Variants in ZNF704 observed in about 807,000 individuals in gnomAD.
ZNF704 encodes zinc finger protein 704.
In ZNF704, 10 loss-of-function variants were observed where a neutral mutation model predicts 44.7. The observed-to-expected ratio is 0.22, with a 90% CI of 0.14 to 0.38. The LOEUF is 0.38. ZNF704 is among the 10% of genes least tolerant of loss of function. The pLI, the probability that ZNF704 is intolerant of heterozygous loss-of-function variation, is 1.00. For missense variants in ZNF704, 390 were observed against 545.5 expected (o/e 0.71, Z 2.84); for synonymous variants, 211 against 207.6 (o/e 1.02, Z -0.14).
chr8:80,778,263 T>C (rs1021324420), intron 2 of ZNF704, among the ~76,000 whole-genome samples: 1 of 151,756 alleles, frequency 6.6e-6, no homozygotes, highest in Non-Finnish European at 1.5e-5. Context: ...AAAAGCTCAG[T>C]GTCACTGATC....
At chr8:80,681,789 G>GT in intron 4 of ZNF704, among the ~76,000 whole-genome samples, 1 of 152,258 alleles carries the variant, frequency 6.6e-6, no homozygotes, top group South Asian at 2.1e-4. Context: ...GACATACTGA[G>GT]TAGTCCTTTA....
chr8:80,737,570 C>A (rs918957889), intron 2 of ZNF704, among the ~76,000 whole-genome samples: 1 of 152,162 alleles, frequency 6.6e-6, no homozygotes, highest in African/African-American at 2.4e-5. Flanking sequence ...ACATTGTATT[C>A]ATTAGAAGTG....
chr8:80,699,569 T>G (rs1014543954), intron 2 of ZNF704, among the ~76,000 whole-genome samples: 4 of 152,130 alleles, frequency 2.6e-5, no homozygotes, highest in African/African-American at 9.7e-5. Context: ...TTTAAGAAAT[T>G]TTTAATATGT....
chr8:80,857,934 C>G (rs1360429873), intron 1 of ZNF704, among the ~76,000 whole-genome samples: 1 of 151,958 alleles, frequency 6.6e-6, no homozygotes, highest in South Asian at 2.1e-4. Flanking sequence ...ATTTCTTTAA[C>G]AGATGGTAGG....
chr8:80,763,605 G>A (rs1807169087), intron 2 of ZNF704, among the ~76,000 whole-genome samples: 1 of 152,210 alleles, frequency 6.6e-6, no homozygotes, highest in South Asian at 2.1e-4. Flanking sequence ...GGCCTGTGAT[G>A]AGAGGGGCTC....
chr8:80,842,468 T>C (rs1808696566), intron 1 of ZNF704, among the ~76,000 whole-genome samples: 1 of 152,132 alleles, frequency 6.6e-6, no homozygotes, highest in African/African-American at 2.4e-5. Flanking sequence ...ATGGGCCCCC[T>C]GTGTAAAAGG....
intron 2 of ZNF704, among the ~76,000 whole-genome samples, chr8:80,712,828 T>C (rs1819007887): frequency 6.6e-6 from 1 of 152,028 alleles, no homozygotes; most frequent in Admixed American, 6.5e-5. Flanking sequence ...ATTAGCTCTT[T>C]AATCCATTTT....
Position 80,826,601 on chromosome 8 carries a change from G to C in ZNF704, c.-21-4986C>G, listed in dbSNP as rs1246240469. 2.0e-5 allele frequency among the ~76,000 whole-genome samples: 3 copies of C among 152,092 alleles called. No individual in the cohort carries two copies. The South Asian group carries it at 6.2e-4, about 32-fold the overall frequency. ...AGGCCAGCATCATCCTGATACCAAAGCCGGGCAGAGACACAACAAAAAAGG... is the reference window on the plus strand; with the variant it reads ...AGGCCAGCATCATCCTGATACCAAACCCGGGCAGAGACACAACAAAAAAGG... On this transcript the variant is annotated intron_variant, in intron 1 of 8. Transcript: ENST00000327835.
chr8:80,844,009 A>G (rs1308751966), intron 1 of ZNF704, among the ~76,000 whole-genome samples: 1 of 150,928 alleles, frequency 6.6e-6, no homozygotes, highest in Non-Finnish European at 1.5e-5. Flanking sequence ...ACACATGTAT[A>G]TGTGTGTGTC....
At chr8:80,696,625 C>A (rs1818729785) in intron 2 of ZNF704, among the ~76,000 whole-genome samples, 1 of 152,170 alleles carries the variant, frequency 6.6e-6, no homozygotes, top group Non-Finnish European at 1.5e-5. Context: ...ACCATGTTGA[C>A]CACGCTGGTC....
intron 2 of ZNF704, among the ~76,000 whole-genome samples, chr8:80,819,380 A>G (rs1350408787): frequency 1.3e-5 from 2 of 152,158 alleles, no homozygotes; most frequent in African/African-American, 4.8e-5. Flanking sequence ...AGGTGGAATT[A>G]AAGAATAAAG....
chr8:80,821,302 A>G, intron 2 of ZNF704, 72 bp downstream of exon 2: 1 of 1,442,710 alleles, frequency 6.9e-7, no homozygotes, highest in Admixed American at 1.7e-5. Context: ...GAGTCTGTAC[A>G]CTGGCAGAGA....
chr8:80,740,939 C>T (rs370375155), intron 2 of ZNF704, among the ~76,000 whole-genome samples: 7 of 152,364 alleles, frequency 4.6e-5, no homozygotes, highest in Admixed American at 2.0e-4. Context: ...GCCACCCAAG[C>T]GCTTTTAAAC....
intron 1 of ZNF704, among the ~76,000 whole-genome samples, chr8:80,848,383 T>G (rs1340868916): frequency 6.6e-6 from 1 of 152,146 alleles, no homozygotes; most frequent in Non-Finnish European, 1.5e-5. Context: ...CACATGAAAC[T>G]GGTAAAATCT....
chr8:80,821,309 G>T, intron 2 of ZNF704, 65 bp downstream of exon 2: 1 of 1,489,734 alleles, frequency 6.7e-7, no homozygotes, highest in South Asian at 1.1e-5. Context: ...TACACTGGCA[G>T]AGATTATGCA....
In ZNF704 at chr8:80,742,704, A is replaced by G. The variant is rs567922846; in HGVS notation, c.222-49597T>C. On this transcript the variant is annotated intron_variant, in intron 2 of 8. Transcript: ENST00000327835. The stretch of plus-strand genomic sequence containing the variant: ...AAGATCTACCGAGGACCCCTGGACC[A>G]GCCTGCTAGACCATGCTCCAATGTT... Among the ~76,000 whole-genome samples, 4 of 152,304 alleles carry G rather than the reference A, an allele frequency of 2.6e-5. No homozygotes were observed. In the South Asian group the frequency reaches 8.3e-4, roughly 32 times the overall value.
At chr8:80,823,624 T>C (rs1034136522) in intron 1 of ZNF704, among the ~76,000 whole-genome samples, 1 of 152,150 alleles carries the variant, frequency 6.6e-6, no homozygotes, top group African/African-American at 2.4e-5. Context: ...TCTGCCTCCT[T>C]AAGTGGGTCC....
chr8:80,759,347 G>C (rs1807090442), intron 2 of ZNF704, among the ~76,000 whole-genome samples: 1 of 151,020 alleles, frequency 6.6e-6, no homozygotes, highest in Admixed American at 6.6e-5. Context: ...GACTGGGTGA[G>C]TAATATTTAA....
At chr8:80,857,897 T>C (rs1240317614) in intron 1 of ZNF704, among the ~76,000 whole-genome samples, 1 of 152,168 alleles carries the variant, frequency 6.6e-6, no homozygotes, top group Non-Finnish European at 1.5e-5. Context: ...CTTTTATTTT[T>C]ATTTTTTTCC....
Sources: gnomAD v4.1 joint callset for allele counts (sites outside exome capture counted in the v4.1 genomes callset) on GRCh38, gnomAD v4.1.1 for gene constraint, MANE v1.5 for transcripts, NCBI Gene and HGNC (gene_info 2026-07-23, HGNC 2026-07-21) for gene names.